Variants in CCDC73 observed in about 807,000 individuals in gnomAD.
CCDC73 encodes the protein coiled-coil domain containing 73, also known as coiled-coil domain-containing protein 73.
A neutral mutation model predicts 116.5 loss-of-function variants in CCDC73; 95 were observed. That is an observed-to-expected ratio of 0.82 (90% confidence interval 0.69 to 0.97). The LOEUF is 0.97. Ranked by LOEUF, CCDC73 falls within the 50% of genes least tolerant of loss-of-function variation. CCDC73 has a pLI of 0.00. For synonymous variants in CCDC73, 398 were observed against 401.3 expected (o/e 0.99, Z 0.10); for missense variants, 1,066 against 1,206.8 (o/e 0.88, Z 1.73).
chr11:32,639,164 A>C (rs11031912), intron 13 of CCDC73, among the ~76,000 whole-genome samples: 5 of 138,094 alleles, frequency 3.6e-5, no homozygotes, highest in Admixed American at 1.4e-4. Context: ...CACCCCCCCC[A>C]AAAAATCCTA....
At chr11:32,705,537 A>T (rs2133319737) in intron 3 of CCDC73, among the ~76,000 whole-genome samples, 1 of 152,122 alleles carries the variant, frequency 6.6e-6, no homozygotes, top group East Asian at 1.9e-4. Flanking sequence ...TCGCTCACAC[A>T]CCCCTCGTCA....
chr11:32,629,921 C>CAAAAAA (rs367693675), intron 14 of CCDC73, among the ~76,000 whole-genome samples: 7 of 55,720 alleles, frequency 1.3e-4, no homozygotes, highest in African/African-American at 2.3e-4. Flanking sequence ...AGCAGATATG[C>CAAAAAA]AAAAAAAAAA....
At chr11:32,618,115 T>G (rs1855491180) in intron 14 of CCDC73, among the ~76,000 whole-genome samples, 1 of 152,186 alleles carries the variant, frequency 6.6e-6, no homozygotes, top group Admixed American at 6.6e-5. Context: ...TTCCAACTTA[T>G]AAGAAAATTG....
chr11:32,743,900 T>G (rs1850211476), intron 2 of CCDC73, among the ~76,000 whole-genome samples: 1 of 152,196 alleles, frequency 6.6e-6, no homozygotes, highest in African/African-American at 2.4e-5. Context: ...ACCCTTTATT[T>G]CTTTCTCTTG....
chr11:32,655,029 G>A lies in CCDC73; in HGVS notation c.646-57C>T, dbSNP rs2133263341. 5.9e-6 allele frequency: 6 copies of A among 1,019,368 alleles called. No homozygotes were observed. In the East Asian group the frequency reaches 1.8e-4, roughly 30 times the overall value. 63.1% of individuals were successfully genotyped at this position (1,019,368 alleles called of 1,614,324 possible). On this transcript the variant is annotated intron_variant, in intron 9 of 17. Transcript: ENST00000335185. ...AGTACACATATTTCACTAAAACAAG[G>A]TACTTTCCTGACAGTTTCAAAGTTC...
chr11:32,830,220 A>C, the CCDC73 span: 2 of 1,076,408 alleles, frequency 1.9e-6, no homozygotes, highest in Non-Finnish European at 2.3e-6. Context: ...GGTTACCTGG[A>C]AGGGGCCACC....
intron 1 of CCDC73, among the ~76,000 whole-genome samples, chr11:32,782,554 G>A (rs1850592934): frequency 1.3e-5 from 2 of 152,148 alleles, no homozygotes; most frequent in Non-Finnish European, 2.9e-5. Flanking sequence ...AGAGCAAAGA[G>A]TGAAAAACCA....
Position 32,611,217 on chromosome 11 carries a change from A to C in CCDC73, c.2945T>G (p.Ile982Ser). The change falls in exon 17 of 18, where the codon ATC becomes AGC. Residue 982 changes from isoleucine (I) to serine (S), a missense_variant. By Grantham distance (142) the Ile-to-Ser change is moderately radical (BLOSUM62 -2). Coordinates refer to ENST00000335185, the MANE Select transcript of CCDC73 (RefSeq NM_001008391.4). ...RVADTLNNWS[I>S]HPDPKGEPSE... ...GGGTTCTCCCTTGGGATCTGGATGG[A>C]TACTCCAGTTATTCAAAGTGTCAGC... 4.3e-6 allele frequency: 7 copies of C among 1,613,056 alleles called. No homozygotes were observed. The highest frequency in any genetic ancestry group is 5.9e-6 in the Non-Finnish European group (7 of 1,179,106).
At chr11:32,694,187 T>C (rs936101902) in intron 6 of CCDC73, among the ~76,000 whole-genome samples, 42 of 152,164 alleles carry the variant, frequency 2.8e-4, no homozygotes, top group African/African-American at 9.4e-4. Context: ...GCCCAAAATC[T>C]CCTTAAGCTG....
At chr11:32,766,420 C>A (rs1211824650) in intron 1 of CCDC73, among the ~76,000 whole-genome samples, 2 of 152,178 alleles carry the variant, frequency 1.3e-5, no homozygotes, top group Non-Finnish European at 2.9e-5. Context: ...CCCTCTCTCA[C>A]CACTCCTATT....
At position 32,621,839 on chromosome 11, in the gene CCDC73, G is replaced by T. The variant is rs569642063; in HGVS notation, c.1186-5710C>A. Reference sequence around the variant, plus strand: ...AAGAAAAAAACAACTCTATCAAAAAGTGGGCAAAGGATATGAACAGACACT... The same window carrying T: ...AAGAAAAAAACAACTCTATCAAAAATTGGGCAAAGGATATGAACAGACACT... On this transcript the variant is annotated intron_variant, in intron 14 of 17. Coordinates refer to ENST00000335185, the MANE Select transcript of CCDC73 (RefSeq NM_001008391.4). 1.4e-4 allele frequency among the ~76,000 whole-genome samples: 22 copies of T among 152,312 alleles called. No individual in the cohort carries two copies. In the South Asian group the frequency reaches 4.6e-3, roughly 32 times the overall value.
chr11:32,648,852 T>C (rs1232684130), intron 12 of CCDC73, among the ~76,000 whole-genome samples: 1 of 152,166 alleles, frequency 6.6e-6, no homozygotes, highest in Admixed American at 6.6e-5. Context: ...TGCCAGGCCA[T>C]GGAGTTTATA....
chr11:32,755,615 GTGTATATATATATCTCCA>G lies in CCDC73; in HGVS notation c.135+4476_135+4493del, dbSNP rs1282740276. 3.1e-4 allele frequency among the ~76,000 whole-genome samples: 36 copies of G among 114,842 alleles called. 1 individual carries two copies. Among genetic ancestry groups the G allele is most frequent in the African/African-American group, 1.1e-3 (33 of 30,150 alleles). The allele number at this position is 114,842 out of a possible 152,430, so 75.3% of individuals were successfully genotyped here. A position where few individuals can be genotyped will look rare whatever the true frequency, so the allele number is the denominator to read the frequency against. On this transcript the variant is annotated intron_variant, in intron 2 of 17. Coordinates refer to ENST00000335185, the MANE Select transcript of CCDC73 (RefSeq NM_001008391.4). ...TATATATATATCCATATATATGTGT[GTGTATATATATATCTCCA>G]TATATATGTGTATATATATATCTCC... is the stretch of plus-strand genomic sequence containing the variant.
intron 13 of CCDC73, among the ~76,000 whole-genome samples, chr11:32,638,416 G>A (rs1855701092): frequency 6.6e-6 from 1 of 152,112 alleles, no homozygotes; most frequent in Non-Finnish European, 1.5e-5. Flanking sequence ...TTTTAAATCA[G>A]AGCAGACTAT....
At chr11:32,678,336 G>C (rs886993301) in intron 7 of CCDC73, among the ~76,000 whole-genome samples, 5 of 152,158 alleles carry the variant, frequency 3.3e-5, no homozygotes, top group Non-Finnish European at 7.4e-5. Context: ...GTGGTCAAAA[G>C]CTAGTCTGCC....
chr11:32,642,011 T>C lies in CCDC73; in HGVS notation c.1011A>G (p.Gln337=). ...KENEEKFLNL[Q]NEHEKALGTW... is the part of the protein sequence containing the mutation. The stretch of plus-strand genomic sequence containing the variant: ...TTCCTAGTGCTTTTTCATGCTCATT[T>C]TGAAGATTAAGAAACTTTTCTTCAT... The change falls in exon 13 of 18, where the codon CAA becomes CAG. Residue 337 remains glutamine (Q), a synonymous_variant. Transcript: ENST00000335185. The C allele has an allele frequency of 6.4e-7, 1 of 1,565,822 alleles. No individual in the cohort carries two copies. Among genetic ancestry groups the C allele is most frequent in the Non-Finnish European group, 8.7e-7 (1 of 1,154,460 alleles).
chr11:32,628,763 AAC>A (rs1297421301), intron 14 of CCDC73, among the ~76,000 whole-genome samples: 2 of 152,242 alleles, frequency 1.3e-5, no homozygotes, highest in African/African-American at 4.8e-5. Context: ...AAAATGTTCT[AAC>A]ACAATAAAAA....
chr11:32,610,740 T>G (rs1171961044), intron 17 of CCDC73, among the ~76,000 whole-genome samples: 1 of 152,200 alleles, frequency 6.6e-6, no homozygotes, highest in Non-Finnish European at 1.5e-5. Context: ...CCATCTCAGT[T>G]TCCAAAAATA....
intron 2 of CCDC73, among the ~76,000 whole-genome samples, chr11:32,749,573 C>T (rs1285185113): frequency 6.6e-6 from 1 of 151,946 alleles, no homozygotes; most frequent in East Asian, 1.9e-4. Flanking sequence ...GGTCTTGATG[C>T]TTGTGAGTGT....
Sources: allele counts gnomAD v4.1 joint callset (sites outside exome capture counted in the v4.1 genomes callset), GRCh38; gene constraint gnomAD v4.1.1; transcripts MANE v1.5; gene names NCBI Gene and HGNC (gene_info 2026-07-23, HGNC 2026-07-21).